The following ARPP21 variants were observed in gnomAD, a reference collection of about 807,000 sequenced individuals.
ARPP21 encodes the protein cAMP regulated phosphoprotein 21.
Under a neutral mutation model 113.2 loss-of-function variants are expected in ARPP21, and 69 were observed. The observed-to-expected ratio is 0.61, with a 90% CI of 0.50 to 0.74. The LOEUF is 0.74. Ranked by LOEUF, ARPP21 falls within the 30% of genes least tolerant of loss-of-function variation. The probability of loss-of-function intolerance (pLI) is 0.00; values close to 1 mark genes in which losing one functional copy is unlikely to be tolerated. For missense variants in ARPP21, 1,070 were observed against 1,037.4 expected, an observed-to-expected ratio of 1.03 and a Z score of -0.43; for synonymous variants, 368 against 375.5, an observed-to-expected ratio of 0.98 and a Z score of 0.23.
chr3:35,729,570 G>A lies in ARPP21; in HGVS notation c.1459+34G>A, dbSNP rs960025802. ...CTACCTGCTTTATCAGGGACACAAG[G>A]CTTTCAGATGTTTGTTCTTATGTTT... On this transcript the variant is annotated intron_variant, in intron 15 of 20. Coordinates refer to ENST00000684406, the MANE Select transcript of ARPP21 (RefSeq NM_001385562.1). 4 of 1,528,834 alleles carry A rather than the reference G, an allele frequency of 2.6e-6. No homozygotes were observed. The African/African-American group carries it at 4.1e-5, about 16-fold the overall frequency. The allele number at this position is 1,528,834 out of a possible 1,614,324, so 94.7% of individuals were successfully genotyped here.
At chr3:35,706,471 G>A (rs890996476) in intron 9 of ARPP21, among the ~76,000 whole-genome samples, 15 of 152,128 alleles carry the variant, frequency 9.9e-5, no homozygotes, top group African/African-American at 2.4e-4. Context: ...CAGAGCTTTC[G>A]TTATTGGAGG....
chr3:35,745,832 C>T (rs2095004372), intron 19 of ARPP21, among the ~76,000 whole-genome samples: 1 of 152,190 alleles, frequency 6.6e-6, no homozygotes, highest in African/African-American at 2.4e-5. Context: ...AGAGACCTCA[C>T]TGGCTCCACC....
chr3:35,684,052 C>T (rs1320010509), intron 5 of ARPP21: 54 of 1,597,934 alleles, frequency 3.4e-5, no homozygotes, highest in Non-Finnish European at 4.2e-5. Context: ...GAAAGGAATT[C>T]AAAAGAATTT....
intron 19 of ARPP21, among the ~76,000 whole-genome samples, chr3:35,776,369 C>G (rs2096367572): frequency 6.6e-6 from 1 of 152,092 alleles, no homozygotes; most frequent in South Asian, 2.1e-4. Context: ...CTGAGAAGCC[C>G]TGTAATAGTC....
intron 5 of ARPP21, chr3:35,684,210 C>G: frequency 7.6e-7 from 1 of 1,313,542 alleles, no homozygotes; most frequent in Non-Finnish European, 9.8e-7. Flanking sequence ...CCAAAATGCA[C>G]TTGCCTATAA....
intron 1 of ARPP21, among the ~76,000 whole-genome samples, chr3:35,667,214 G>C (rs2074597942): frequency 6.6e-6 from 1 of 152,054 alleles, no homozygotes; most frequent in Non-Finnish European, 1.5e-5. Flanking sequence ...TATTTAAATT[G>C]TTTTAAATTG....
At chr3:35,666,821 C>G (rs576184275) in intron 1 of ARPP21, among the ~76,000 whole-genome samples, 1 of 152,238 alleles carries the variant, frequency 6.6e-6, no homozygotes, top group East Asian at 1.9e-4. Context: ...TTTATGTTTA[C>G]TTTTTCCAAA....
chr3:35,748,058 A>AGAAGGAAGGAAGGAAG (rs754411154), intron 19 of ARPP21, among the ~76,000 whole-genome samples: 1,101 of 81,636 alleles, frequency 0.013, 8 homozygotes, highest in African/African-American at 0.024. Flanking sequence ...AAGAAAAGGA[A>AGAAGGAAGGAAGGAAG]GAAGGAAGGA....
chr3:35,721,498 G>T, intron 13 of ARPP21, 107 bp from the exon 14 acceptor site: 1 of 659,968 alleles, frequency 1.5e-6, no homozygotes, highest in Non-Finnish European at 2.7e-6. Context: ...TGGCAGGAAG[G>T]GTCTTGTGTG....
At chr3:35,790,677 G>A (rs1419278812) in intron 19 of ARPP21, among the ~76,000 whole-genome samples, 5 of 152,182 alleles carry the variant, frequency 3.3e-5, no homozygotes, top group Non-Finnish European at 7.3e-5. Flanking sequence ...AGAACTCTGA[G>A]CTGATCTTGT....
intron 1 of ARPP21, among the ~76,000 whole-genome samples, chr3:35,668,515 A>G (rs2075519270): frequency 6.6e-6 from 1 of 152,176 alleles, no homozygotes; most frequent in African/African-American, 2.4e-5. Context: ...CAGAGTTGCC[A>G]GCAGAGAGCT....
intron 14 of ARPP21, among the ~76,000 whole-genome samples, chr3:35,727,973 G>A (rs552702804): frequency 1.1e-4 from 17 of 151,992 alleles, no homozygotes; most frequent in Admixed American, 9.8e-4. Flanking sequence ...TGTTACCTGT[G>A]TGTTTGAAAA....
chr3:35,739,425 C>G lies in ARPP21; in HGVS notation c.1858C>G (p.Gln620Glu). The stretch of plus-strand genomic sequence containing the variant: ...TGTCTACCCATCCTCCCTTATGCCA[C>G]AGCCGGCCCAGCAGCCCAGCTATGT... ...GPVYPSSLMP[Q>E]PAQQPSYVIA... The change falls in exon 18 of 21, where the codon CAG (glutamine) becomes GAG (glutamate). Residue 620 changes from glutamine (Q) to glutamate (E), a missense_variant. By Grantham distance (29) the Gln-to-Glu change is conservative. Coordinates refer to ENST00000684406, the MANE Select transcript of ARPP21 (RefSeq NM_001385562.1). The G allele has an allele frequency of 1.2e-6, 2 of 1,614,180 alleles. No individual in the cohort carries two copies. Among genetic ancestry groups the G allele is most frequent in the Non-Finnish European group, 1.7e-6 (2 of 1,180,034 alleles).
Position 35,654,874 on chromosome 3 carries a change from A to G in ARPP21, c.-213+14476A>G, listed in dbSNP as rs1704070051. Among the ~76,000 whole-genome samples the G allele has an allele frequency of 2.0e-5, 3 of 152,218 alleles. 1 individual carries two copies. In the South Asian group the frequency reaches 6.2e-4, roughly 32 times the overall value. ...TAGTGACTTTGTTAAAACATTTGGA[A>G]AGAGAAATTTAAAGACAATGCTTAA... On this transcript the variant is annotated intron_variant, in intron 1 of 20. Coordinates refer to ENST00000684406, the MANE Select transcript of ARPP21 (RefSeq NM_001385562.1).
In ARPP21 at chr3:35,707,110, A is replaced by T. The variant is rs1200154060; in HGVS notation, c.795+28A>T. The T allele has an allele frequency of 1.9e-6, 3 of 1,560,814 alleles. No homozygotes were observed. The South Asian group carries it at 3.4e-5, about 18-fold the overall frequency. ...TGGTTCTCAAGTTTGAGAGTGGCTG[A>T]CATTGTTGTTTTTGAAGGTGGGCTG... On this transcript the variant is annotated intron_variant, in intron 10 of 20. Transcript: ENST00000684406.
chr3:35,793,362 T>C (rs1205785735), intron 20 of ARPP21, among the ~76,000 whole-genome samples: 2 of 152,194 alleles, frequency 1.3e-5, no homozygotes, highest in African/African-American at 4.8e-5. Context: ...ATCTAGACTA[T>C]AGTTTCTAGA....
intron 1 of ARPP21, among the ~76,000 whole-genome samples, chr3:35,649,777 A>G (rs956138353): frequency 4.6e-5 from 7 of 152,148 alleles, no homozygotes; most frequent in Non-Finnish European, 1.0e-4. Flanking sequence ...TCTTCCTGCT[A>G]CTTTGGAAAA....
intron 11 of ARPP21, among the ~76,000 whole-genome samples, chr3:35,709,850 A>C (rs2090479280): frequency 6.6e-6 from 1 of 152,156 alleles, no homozygotes; most frequent in South Asian, 2.1e-4. Context: ...CTCCTTTGTA[A>C]GACTCCGTGG....
At chr3:35,667,959 AGAAGAAGAAGAAGAAG>A (rs2075084637) in intron 1 of ARPP21, among the ~76,000 whole-genome samples, 1 of 61,194 alleles carries the variant, frequency 1.6e-5, no homozygotes, top group African/African-American at 6.4e-5. Context: ...AAGAAGAAGA[AGAAGAAGAAGAAGAAG>A]AAGAAGAAGA....
Sources: allele counts gnomAD v4.1 joint callset (sites outside exome capture counted in the v4.1 genomes callset), GRCh38; gene constraint gnomAD v4.1.1; transcripts MANE v1.5; gene names NCBI Gene and HGNC (gene_info 2026-07-23, HGNC 2026-07-21).